Variants in DMGDH observed in about 807,000 individuals in gnomAD.
DMGDH encodes dimethylglycine dehydrogenase, mitochondrial.
DMGDH carries 76 observed loss-of-function variants against 95.2 expected under a neutral mutation model. That is an observed-to-expected ratio of 0.80 (90% CI 0.66 to 0.97). The LOEUF is 0.97. Among genes scored for constraint, DMGDH ranks in the 50% least tolerant of loss-of-function variants. The pLI, the probability that DMGDH is intolerant of heterozygous loss-of-function variation, is 0.00. For synonymous variants in DMGDH, 345 were observed against 377.6 expected (o/e 0.91, Z 1.00); for missense variants, 987 against 1,055.0 (o/e 0.94, Z 0.89).
Position 79,026,573 on chromosome 5 carries a change from C to A in DMGDH, c.2041G>T (p.Gly681Cys), listed in dbSNP as rs1754008136. The A allele has an allele frequency of 6.2e-7, 1 of 1,613,980 alleles. No individual in the cohort carries two copies. Among genetic ancestry groups the A allele is most frequent in the Non-Finnish European group, 8.5e-7 (1 of 1,180,018 alleles). ...AIRISYTGELGWELYHRREDS... is the reference protein window; with the variant it reads ...AIRISYTGELCWELYHRREDS... ...TCTCTTCTGTGATACAGCTCCCAAC[C>A]CAGCTCACCTGAAATAAACCCACAG... Residue 681 changes from glycine to cysteine, a missense_variant, in exon 13 of 16, where the codon GGT becomes TGT. Coordinates refer to ENST00000255189, the MANE Select transcript of DMGDH (RefSeq NM_013391.3).
At chr5:79,060,843 A>G (rs1195048692) in intron 2 of DMGDH, among the ~76,000 whole-genome samples, 3 of 151,378 alleles carry the variant, frequency 2.0e-5, no homozygotes, top group Admixed American at 6.6e-5. Context: ...ACTTGAACCC[A>G]GGAGATGGAG....
intron 14 of DMGDH, among the ~76,000 whole-genome samples, chr5:79,018,544 C>A (rs1753789122): frequency 1.3e-5 from 2 of 151,904 alleles, no homozygotes; most frequent in South Asian, 4.2e-4. Flanking sequence ...GTAGGGATCA[C>A]AAAGGGGCAT....
At chr5:79,000,938 C>T (rs920433330) in intron 15 of DMGDH, 1 of 672,386 alleles carries the variant, frequency 1.5e-6, no homozygotes, top group Non-Finnish European at 2.7e-6. Flanking sequence ...TACCTGGGTC[C>T]TCATTTGGCA....
intron 1 of DMGDH, among the ~76,000 whole-genome samples, chr5:79,067,957 C>A (rs769301276): frequency 6.6e-6 from 1 of 152,084 alleles, no homozygotes; most frequent in Non-Finnish European, 1.5e-5. Flanking sequence ...TCCCTGTCGC[C>A]CAGGCTGGAG....
intron 4 of DMGDH, 112 bp from the exon 5 acceptor site, chr5:79,051,603 G>C (rs185451952): frequency 3.9e-6 from 4 of 1,016,748 alleles, no homozygotes; most frequent in African/African-American, 1.6e-5. Context: ...AGTGTTTCTT[G>C]ATCTGGAAAG....
rs959606977 is a variant in DMGDH at position 79,005,127 on chromosome 5, T to A, written c.2385+146A>T. ...TCCTTTCAGTCAATTGCGTTCTGTC[T>A]TTTGAATGTCAGCTCAGAAATCAAA... is the stretch of plus-strand genomic sequence containing the variant. On this transcript the variant is annotated intron_variant, in intron 15 of 15. Coordinates refer to ENST00000255189, the MANE Select transcript of DMGDH (RefSeq NM_013391.3). 3.6e-6 allele frequency: 4 copies of A among 1,120,848 alleles called. No homozygotes were observed. In the Admixed American group the frequency reaches 8.0e-5, roughly 22 times the overall value. 69.4% of individuals were successfully genotyped at this position (1,120,848 alleles called of 1,614,324 possible). A position where few individuals can be genotyped will look rare whatever the true frequency, so the allele number is the denominator to read the frequency against.
intron 14 of DMGDH, among the ~76,000 whole-genome samples, chr5:79,018,476 T>C (rs1030215290): frequency 2.6e-5 from 4 of 151,818 alleles, no homozygotes; most frequent in African/African-American, 9.7e-5. Flanking sequence ...AAATAACCTA[T>C]AGTCTCAGAC....
At chr5:79,012,537 C>T (rs1338717597) in intron 14 of DMGDH, among the ~76,000 whole-genome samples, 20 of 152,180 alleles carry the variant, frequency 1.3e-4, no homozygotes, top group Admixed American at 7.2e-4. Flanking sequence ...GGGGCTCCAA[C>T]CCCACATTTC....
chr5:79,057,516 C>T (rs1046981072), intron 2 of DMGDH, among the ~76,000 whole-genome samples: 2 of 150,674 alleles, frequency 1.3e-5, no homozygotes, highest in African/African-American at 2.5e-5. Context: ...ATATCCATGG[C>T]TGATTTTTTT....
At chr5:79,028,699 C>T (rs752393481) in intron 11 of DMGDH, 49 bp from the exon 12 acceptor site, 2 of 1,573,760 alleles carry the variant, frequency 1.3e-6, no homozygotes, top group Non-Finnish European at 8.7e-7. Flanking sequence ...GAATAATGTA[C>T]TTTGGTAATA....
chr5:79,042,775 TAAA>T (rs5868946), intron 6 of DMGDH, among the ~76,000 whole-genome samples: 35 of 151,752 alleles, frequency 2.3e-4, no homozygotes, highest in African/African-American at 7.7e-4. Context: ...CAGTTTTTTT[TAAA>T]AAAAAACTAT....
At chr5:79,026,030 A>G (rs1485473907) in intron 13 of DMGDH, among the ~76,000 whole-genome samples, 2 of 152,264 alleles carry the variant, frequency 1.3e-5, no homozygotes, top group Non-Finnish European at 2.9e-5. Context: ...ATTCTGGACC[A>G]TCAACCCTGC....
intron 14 of DMGDH, among the ~76,000 whole-genome samples, chr5:79,014,752 T>C (rs766808997): frequency 1.3e-5 from 2 of 152,222 alleles, no homozygotes; most frequent in Non-Finnish European, 2.9e-5. Flanking sequence ...ATTTTCTTCA[T>C]TTTACAGATG....
intron 5 of DMGDH, among the ~76,000 whole-genome samples, chr5:79,048,187 T>C (rs1242249583): frequency 2.0e-5 from 3 of 152,192 alleles, no homozygotes; most frequent in African/African-American, 7.2e-5. Context: ...AGCCCCGTTC[T>C]GGGTACTTTA....
chr5:79,064,040 A>G (rs1755295087), intron 1 of DMGDH, among the ~76,000 whole-genome samples: 1 of 152,166 alleles, frequency 6.6e-6, no homozygotes, highest in Non-Finnish European at 1.5e-5. Context: ...ATGAACAAGT[A>G]GCTTCTTTTT....
At chr5:79,058,839 G>T (rs1296352422) in intron 2 of DMGDH, among the ~76,000 whole-genome samples, 1 of 152,184 alleles carries the variant, frequency 6.6e-6, no homozygotes, top group African/African-American at 2.4e-5. Context: ...TTCATTCCTG[G>T]ATGCTAAATA....
chr5:79,031,047 A>C (rs757581079), intron 9 of DMGDH, 49 bp from the exon 10 acceptor site: 5 of 1,600,514 alleles, frequency 3.1e-6, no homozygotes, highest in Non-Finnish European at 4.3e-6. Flanking sequence ...TCATTTTTCA[A>C]AAATTACAGA....
chr5:78,999,931 A>G (rs1753425993), intron 15 of DMGDH, among the ~76,000 whole-genome samples: 1 of 151,398 alleles, frequency 6.6e-6, no homozygotes, highest in African/African-American at 2.4e-5. Flanking sequence ...TTTATATTAT[A>G]AGAATTAAAG....
At chr5:79,009,095 A>G (rs1753597906) in intron 14 of DMGDH, among the ~76,000 whole-genome samples, 1 of 152,156 alleles carries the variant, frequency 6.6e-6, no homozygotes, top group Admixed American at 6.5e-5. Flanking sequence ...TTTCTTTTAA[A>G]TTTCTTTTAG....
Sources: allele counts gnomAD v4.1 joint callset (sites outside exome capture counted in the v4.1 genomes callset), GRCh38; gene constraint gnomAD v4.1.1; transcripts MANE v1.5; gene names NCBI Gene and HGNC (gene_info 2026-07-23, HGNC 2026-07-21).